Variants in TRMT11 observed in about 807,000 individuals in gnomAD.
The protein encoded by TRMT11 is tRNA (guanine(10)-N(2))-methyltransferase TRMT11.
Under a neutral mutation model 62.8 loss-of-function variants are expected in TRMT11, and 53 were observed. The observed-to-expected ratio is 0.84, with a 90% CI of 0.68 to 1.06. The LOEUF is 1.06. Ranked by LOEUF, TRMT11 falls within the 50% of genes least tolerant of loss-of-function variation. TRMT11 has a pLI of 0.00. For missense variants in TRMT11, 556 were observed against 553.4 expected, an observed-to-expected ratio of 1.00 and a Z score of -0.05; for synonymous variants, 188 against 190.3, an observed-to-expected ratio of 0.99 and a Z score of 0.10.
At chr6:126,180,697 C>T (rs968753022) in intron 1 of TRMT11, among the ~76,000 whole-genome samples, 9 of 152,188 alleles carry the variant, frequency 5.9e-5, no homozygotes, top group African/African-American at 1.4e-4. Context: ...CAACTGCTTA[C>T]GCATGTGGCA....
chr6:126,097,779 T>C (rs1288812945), intron 17 of TRMT11, among the ~76,000 whole-genome samples: 2 of 152,172 alleles, frequency 1.3e-5, no homozygotes, highest in Non-Finnish European at 2.9e-5. Flanking sequence ...TCCTGAACTC[T>C]TTCTATCTTT....
At chr6:126,106,915 C>T (rs536162396) in intron 17 of TRMT11, among the ~76,000 whole-genome samples, 3 of 138,946 alleles carry the variant, frequency 2.2e-5, no homozygotes, top group African/African-American at 8.3e-5. Flanking sequence ...GCATGCGTAA[C>T]AGAGAGTGAC....
At chr6:126,042,580 A>G (rs953692699), downstream of TRMT11, among the ~76,000 whole-genome samples, 10 of 152,188 alleles carry the variant, frequency 6.6e-5, no homozygotes, top group African/African-American at 2.4e-4. Context: ...TCTTACTAAG[A>G]TAATCATGTT....
chr6:126,012,108 A>C (rs1473433388), intron 9 of TRMT11, among the ~76,000 whole-genome samples: 3 of 152,180 alleles, frequency 2.0e-5, no homozygotes, highest in African/African-American at 7.2e-5. Context: ...TTCTTTACTA[A>C]CTTAGATTTT....
At position 125,994,083 on chromosome 6, in the gene TRMT11, C is replaced by G. The variant is rs144655849; in HGVS notation, c.138+261C>G. Among the ~76,000 whole-genome samples the G allele has an allele frequency of 1.7e-3, 256 of 152,218 alleles. 3 individuals carry two copies. The highest frequency in any genetic ancestry group is 5.5e-3 in the African/African-American group (229 of 41,528). ...TCCTTTCACCTAAAAAAGGGCTGTG[C>G]TCCATTGGTGAGCTGTGTTTAGAAT... is the stretch of plus-strand genomic sequence containing the variant. On this transcript the variant is annotated intron_variant, in intron 2 of 12. Transcript: ENST00000334379.
chr6:126,152,878 G>C (rs2128223513), intron 21 of TRMT11, among the ~76,000 whole-genome samples: 1 of 152,270 alleles, frequency 6.6e-6, no homozygotes, highest in African/African-American at 2.4e-5. Context: ...GACAGGGTAG[G>C]AATCCAACCT....
intron 21 of TRMT11, among the ~76,000 whole-genome samples, chr6:126,149,111 G>T (rs1188156143): frequency 6.6e-6 from 1 of 152,218 alleles, no homozygotes; most frequent in African/African-American, 2.4e-5. Context: ...ACCAGAATCT[G>T]CAAGACAGCA....
chr6:125,987,979 A>G (rs971178609), intron 1 of TRMT11, among the ~76,000 whole-genome samples: 1 of 152,158 alleles, frequency 6.6e-6, no homozygotes, highest in African/African-American at 2.4e-5. Flanking sequence ...CGGGGAAGAA[A>G]TTACTCAAAG....
At position 126,001,599 on chromosome 6, in the gene TRMT11, G is replaced by C. The variant is rs527952415; in HGVS notation, c.679+1986G>C. 3.3e-5 allele frequency among the ~76,000 whole-genome samples: 5 copies of C among 152,114 alleles called. No individual in the cohort carries two copies. The South Asian group carries it at 1.0e-3, about 32-fold the overall frequency. On this transcript the variant is annotated intron_variant, in intron 7 of 12. Transcript: ENST00000334379. ...ATAATCATAAACAGTACAATTACTG[G>C]TGGTTTTATTTTATTTTATTTTTTT...
downstream of TRMT11, among the ~76,000 whole-genome samples, chr6:126,043,052 T>C (rs1303588175): frequency 4.6e-5 from 7 of 151,962 alleles, no homozygotes; most frequent in Non-Finnish European, 8.8e-5. Context: ...CTTTTTTTAT[T>C]TTATTTTATT....
chr6:126,094,092 T>TACACAC (rs113557278), intron 17 of TRMT11, among the ~76,000 whole-genome samples: 23 of 147,878 alleles, frequency 1.6e-4, no homozygotes, highest in African/African-American at 4.9e-4. Context: ...GAAAATGTGA[T>TACACAC]ACACACACAC....
chr6:126,140,750 C>G (rs1777907810), intron 21 of TRMT11, among the ~76,000 whole-genome samples: 1 of 152,058 alleles, frequency 6.6e-6, no homozygotes, highest in Non-Finnish European at 1.5e-5. Context: ...AACAAAACAA[C>G]CTACAGAGTA....
At chr6:126,108,623 A>C (rs1358038370) in intron 17 of TRMT11, among the ~76,000 whole-genome samples, 6 of 152,218 alleles carry the variant, frequency 3.9e-5, no homozygotes, top group Admixed American at 3.9e-4. Flanking sequence ...CTCTTCACTG[A>C]GCTGCACTCC....
intron 1 of TRMT11, among the ~76,000 whole-genome samples, chr6:126,183,772 TA>T (rs1778494750): frequency 7.0e-6 from 1 of 142,260 alleles, no homozygotes; most frequent in Admixed American, 7.4e-5. Flanking sequence ...AATTATAGAT[TA>T]ACTGTTAGCA....
the TRMT11 span, among the ~76,000 whole-genome samples, chr6:126,209,250 A>G: frequency 6.6e-6 from 1 of 152,214 alleles, no homozygotes; most frequent in Non-Finnish European, 1.5e-5. Context: ...GACTTTGGCA[A>G]AGTCATTATG....
intron 21 of TRMT11, among the ~76,000 whole-genome samples, chr6:126,166,672 G>A (rs1778270409): frequency 6.6e-6 from 1 of 152,236 alleles, no homozygotes; most frequent in Non-Finnish European, 1.5e-5. Context: ...TTCAGAGCCA[G>A]CAGGCAGGAG....
intron 7 of TRMT11, among the ~76,000 whole-genome samples, chr6:126,004,773 T>A (rs535297023): frequency 6.6e-6 from 1 of 152,072 alleles, no homozygotes; most frequent in Non-Finnish European, 1.5e-5. Context: ...CACTTACTAC[T>A]CATGGTTCGT....
rs145554801 is a variant in TRMT11 at position 125,998,601 on chromosome 6, C to T, written c.439C>T (p.His147Tyr). The change falls in exon 6 of 13, where the codon CAT becomes TAT. Residue 147 changes from histidine to tyrosine, a missense_variant. His to Tyr is a moderately conservative substitution (Grantham distance 83, BLOSUM62 2). Coordinates refer to ENST00000334379, the MANE Select transcript of TRMT11 (RefSeq NM_001031712.3). Reference protein sequence around the residue: ...EGKVNLKKPQHVFSVLEDYGL... With the variant: ...EGKVNLKKPQYVFSVLEDYGL... ...AAAAGTGAATTTAAAGAAACCGCAA[C>T]ATGTATTTTCTGTTTTGGAGGATTA... The T allele has an allele frequency of 5.0e-6, 8 of 1,613,262 alleles. No homozygotes were observed. The African/African-American group carries it at 8.0e-5, about 16-fold the overall frequency.
downstream of TRMT11, among the ~76,000 whole-genome samples, chr6:126,208,742 A>T (rs1162383916): frequency 6.6e-6 from 1 of 152,262 alleles, no homozygotes; most frequent in Non-Finnish European, 1.5e-5. Context: ...CATAGAAACA[A>T]CTTTCTCAAT....
Sources: allele counts gnomAD v4.1 joint callset (sites outside exome capture counted in the v4.1 genomes callset), GRCh38; gene constraint gnomAD v4.1.1; transcripts MANE v1.5; gene names NCBI Gene and HGNC (gene_info 2026-07-23, HGNC 2026-07-21).